Variants in AGO3 observed in about 807,000 individuals in gnomAD.
AGO3 encodes the protein protein argonaute-3.
Under a neutral mutation model 105.5 loss-of-function variants are expected in AGO3, and 16 were observed. The ratio of observed to expected loss-of-function variants is 0.15; its 90% CI spans 0.10 to 0.23. AGO3 has a LOEUF of 0.23. AGO3 is among the 10% of genes least tolerant of loss of function. The pLI, the probability that AGO3 is intolerant of heterozygous loss-of-function variation, is 1.00. For synonymous variants in AGO3, 340 were observed against 367.3 expected (o/e 0.93, Z 0.85); for missense variants, 534 against 1,088.0 (o/e 0.49, Z 7.16).
At chr1:36,035,398 C>T (rs1007714340) in intron 13 of AGO3, among the ~76,000 whole-genome samples, 12 of 151,936 alleles carry the variant, frequency 7.9e-5, no homozygotes, top group Admixed American at 7.9e-4. Context: ...GAGACCCTGT[C>T]TCAAAAAAAC....
intron 5 of AGO3, chr1:35,982,584 T>TA: frequency 1.4e-6 from 1 of 715,076 alleles, no homozygotes; most frequent in Non-Finnish European, 2.6e-6. Context: ...CAAAGGTTTT[T>TA]AAGAAGGATA....
intron 12 of AGO3, among the ~76,000 whole-genome samples, chr1:36,033,560 G>T: frequency 6.6e-6 from 1 of 151,076 alleles, no homozygotes; most frequent in East Asian, 1.9e-4. Context: ...CAAGAGGATC[G>T]CTTTAGCTCA....
At chr1:35,956,246 C>T (rs1457156725) in intron 2 of AGO3, among the ~76,000 whole-genome samples, 1 of 152,090 alleles carries the variant, frequency 6.6e-6, no homozygotes, top group Non-Finnish European at 1.5e-5. Context: ...ATAAGAATGG[C>T]TTCATAGTTC....
intron 1 of AGO3, among the ~76,000 whole-genome samples, chr1:35,943,601 CTTTTT>C (rs59873910): frequency 1.6e-5 from 2 of 123,396 alleles, no homozygotes; most frequent in African/African-American, 3.1e-5. Flanking sequence ...ACCCCCAGCC[CTTTTT>C]TTTTTTTTTT....
intron 3 of AGO3, among the ~76,000 whole-genome samples, chr1:35,967,417 T>C (rs1388574960): frequency 6.6e-6 from 1 of 152,010 alleles, no homozygotes; most frequent in African/African-American, 2.4e-5. Context: ...TATTTTATTT[T>C]ATTTTATTTT....
chr1:36,028,396 C>CA (rs1474755057), intron 12 of AGO3, among the ~76,000 whole-genome samples: 2 of 104,016 alleles, frequency 1.9e-5, no homozygotes, highest in East Asian at 8.3e-4. Context: ...ATCCCTCCCC[C>CA]CCCCCCACCC....
chr1:35,967,173 ATATT>A (rs749945282), intron 3 of AGO3, 98 bp downstream of exon 3: 4 of 1,366,936 alleles, frequency 2.9e-6, no homozygotes, highest in Non-Finnish European at 3.9e-6. Context: ...ATATATGTGA[ATATT>A]TATCACTGAT....
intron 5 of AGO3, among the ~76,000 whole-genome samples, chr1:35,998,779 TTTC>T (rs1639956101): frequency 6.6e-6 from 1 of 152,294 alleles, no homozygotes; most frequent in African/African-American, 2.4e-5. Flanking sequence ...TTTAGCTTTA[TTTC>T]TTTATTTATG....
intron 17 of AGO3, among the ~76,000 whole-genome samples, chr1:36,052,245 A>G (rs1419486710): frequency 6.6e-6 from 1 of 152,222 alleles, no homozygotes; most frequent in African/African-American, 2.4e-5. Context: ...AAAGAATGAA[A>G]TTCTGTCATT....
At chr1:35,951,713 A>T (rs1267643924) in intron 2 of AGO3, among the ~76,000 whole-genome samples, 1 of 152,188 alleles carries the variant, frequency 6.6e-6, no homozygotes, top group East Asian at 1.9e-4. Flanking sequence ...TAGAAAGAAA[A>T]AAGTAAATCT....
intron 2 of AGO3, among the ~76,000 whole-genome samples, chr1:35,946,992 A>G (rs1295365571): frequency 6.6e-6 from 1 of 152,228 alleles, no homozygotes; most frequent in African/African-American, 2.4e-5. Flanking sequence ...CCAGAACTCC[A>G]GAATCCTGAC....
rs1341147190 is a variant in AGO3, at chr1:36,057,399, T to C, written c.*1654T>C. On this transcript the variant is annotated 3_prime_UTR_variant, in exon 19 of 19. Coordinates refer to ENST00000373191, the MANE Select transcript of AGO3 (RefSeq NM_024852.4). ...ATATGTATGTGTTTGGAAGTATAGCTTCCTTTTCTTTTATATTTATTAGAA... is the reference window on the plus strand; with the variant it reads ...ATATGTATGTGTTTGGAAGTATAGCCTCCTTTTCTTTTATATTTATTAGAA... 1 of 152,068 alleles carries C rather than the reference T, an allele frequency of 6.6e-6. No individual in the cohort carries two copies. Among genetic ancestry groups the C allele is most frequent in the Admixed American group, 6.6e-5 (1 of 15,264 alleles). The allele number at this position is 152,068 out of a possible 1,614,324, so 9.4% of individuals were successfully genotyped here.
At chr1:35,961,102 C>G (rs1486300617) in intron 2 of AGO3, among the ~76,000 whole-genome samples, 1 of 151,480 alleles carries the variant, frequency 6.6e-6, no homozygotes, top group Non-Finnish European at 1.5e-5. Flanking sequence ...CGCCACCAAG[C>G]CCTGCTAATT....
At chr1:36,029,619 A>G (rs566500766) in intron 12 of AGO3, among the ~76,000 whole-genome samples, 52 of 151,126 alleles carry the variant, frequency 3.4e-4, no homozygotes, top group South Asian at 2.7e-3. Flanking sequence ...GATGGTCTCA[A>G]TCTCATGACC....
intron 11 of AGO3, among the ~76,000 whole-genome samples, chr1:36,023,114 C>G (rs568995711): frequency 6.6e-5 from 10 of 152,288 alleles, no homozygotes; most frequent in African/African-American, 2.4e-4. Flanking sequence ...TTATCAGATC[C>G]AGTCTGATTC....
chr1:35,941,327 G>A (rs1291040470), intron 1 of AGO3, among the ~76,000 whole-genome samples: 1 of 151,922 alleles, frequency 6.6e-6, no homozygotes, highest in Admixed American at 6.6e-5. Flanking sequence ...CACCTAGACA[G>A]CCACATAGTC....
chr1:35,953,421 C>T (rs753787446), intron 2 of AGO3, among the ~76,000 whole-genome samples: 5 of 151,848 alleles, frequency 3.3e-5, no homozygotes, highest in African/African-American at 9.7e-5. Context: ...ATCTCATTGT[C>T]GTTTTGACTT....
rs189744236 is a variant in AGO3, at chr1:36,067,060, G to A, written c.*11315G>A. 85 of 152,276 alleles carry A rather than the reference G, an allele frequency of 5.6e-4. No individual in the cohort carries two copies. Among genetic ancestry groups the A allele is most frequent in the African/African-American group, 1.6e-3 (67 of 41,536 alleles). The allele number at this position is 152,276 out of a possible 1,614,324, so 9.4% of individuals were successfully genotyped here. ...AATTACAGTAAAGAAATTAAATGAA[G>A]TCTTTATCCTTAAATAGGGCCAGGC... On this transcript the variant is annotated 3_prime_UTR_variant, in exon 19 of 19. Transcript: ENST00000373191.
rs1273161321 is a variant in AGO3 at position 36,058,104 on chromosome 1, A to G, written c.*2359A>G. 6.6e-6 allele frequency: 1 copy of G among 152,222 alleles called. No individual in the cohort carries two copies. Among genetic ancestry groups the G allele is most frequent in the South Asian group, 2.1e-4 (1 of 4,836 alleles). 9.4% of individuals were successfully genotyped at this position (152,222 alleles called of 1,614,324 possible). A position where few individuals can be genotyped will look rare whatever the true frequency, so the allele number is the denominator to read the frequency against. Reference sequence around the variant, plus strand: ...ACATATTTAAATTATTTGCAAATAGATTGTGTTTATTGAAGAATCATATTG... The same window carrying G: ...ACATATTTAAATTATTTGCAAATAGGTTGTGTTTATTGAAGAATCATATTG... On this transcript the variant is annotated 3_prime_UTR_variant, in exon 19 of 19. Transcript: ENST00000373191.
Sources: gnomAD v4.1 joint callset for allele counts (sites outside exome capture counted in the v4.1 genomes callset) on GRCh38, gnomAD v4.1.1 for gene constraint, MANE v1.5 for transcripts, NCBI Gene and HGNC (gene_info 2026-07-23, HGNC 2026-07-21) for gene names.